The following TRIM16 variants were observed in gnomAD, a reference collection of about 807,000 sequenced individuals.
The protein encoded by TRIM16 is tripartite motif-containing protein 16.
Under a neutral mutation model 50.4 loss-of-function variants are expected in TRIM16, and 33 were observed. The observed-to-expected ratio is 0.65, with a 90% CI of 0.50 to 0.88. The LOEUF is 0.88. TRIM16 is among the 40% of genes least tolerant of loss of function. TRIM16 has a pLI of 0.00. For synonymous variants in TRIM16, 229 were observed against 270.7 expected, an observed-to-expected ratio of 0.85 and a Z score of 1.51; for missense variants, 581 against 686.8, an observed-to-expected ratio of 0.85 and a Z score of 1.72.
At chr17:15,645,335 T>C (rs1375699326) in intron 7 of TRIM16, among the ~76,000 whole-genome samples, 1 of 152,154 alleles carries the variant, frequency 6.6e-6, no homozygotes, top group Non-Finnish European at 1.5e-5. Flanking sequence ...CCTGCTACCA[T>C]GGCTGCTTTC....
chr17:15,658,880 AAAG>A (rs1353353291), intron 6 of TRIM16: 53 of 985,324 alleles, frequency 5.4e-5, no homozygotes, highest in South Asian at 9.4e-5. Flanking sequence ...CTTTCTCCTA[AAAG>A]AAGAAGATGG....
chr17:15,629,820 G>A (rs1381366541), intron 11 of TRIM16, among the ~76,000 whole-genome samples: 15 of 152,100 alleles, frequency 9.9e-5, no homozygotes, highest in African/African-American at 7.2e-5. Context: ...TAACTCCTAC[G>A]GATTCTACCA....
At chr17:15,681,707 T>C (rs1989191651) in intron 3 of TRIM16, among the ~76,000 whole-genome samples, 1 of 152,250 alleles carries the variant, frequency 6.6e-6, no homozygotes, top group Non-Finnish European at 1.5e-5. Flanking sequence ...TGAGCATTTC[T>C]TTGCGCTTAT....
chr17:15,665,795 T>G (rs1988473780), intron 6 of TRIM16, among the ~76,000 whole-genome samples: 1 of 151,986 alleles, frequency 6.6e-6, no homozygotes, highest in Admixed American at 6.5e-5. Flanking sequence ...GCTCACAAAC[T>G]GATGTCTCAG....
At chr17:15,674,005 T>G (rs1221053770) in intron 6 of TRIM16, among the ~76,000 whole-genome samples, 1 of 152,096 alleles carries the variant, frequency 6.6e-6, no homozygotes, top group Non-Finnish European at 1.5e-5. Flanking sequence ...AATTTCAGCC[T>G]TAAGGAAGGG....
chr17:15,652,276 T>C (rs1221180562), intron 6 of TRIM16, among the ~76,000 whole-genome samples: 11 of 147,478 alleles, frequency 7.5e-5, no homozygotes, highest in Non-Finnish European at 3.0e-5. Flanking sequence ...GCCTCCCGAG[T>C]AGCTGGGATT....
intron 6 of TRIM16, chr17:15,658,663 A>C (rs1285035378): frequency 1.3e-5 from 3 of 223,284 alleles, no homozygotes; most frequent in African/African-American, 7.0e-5. Flanking sequence ...AGGATTGGGA[A>C]TGTCCGGAAG....
intron 8 of TRIM16, among the ~76,000 whole-genome samples, chr17:15,640,925 G>A (rs553595804): frequency 1.3e-5 from 2 of 148,818 alleles, no homozygotes; most frequent in East Asian, 2.0e-4. Flanking sequence ...GAACCAGCAT[G>A]AGGGTGTTGT....
At chr17:15,657,818 C>G (rs756908195) in intron 6 of TRIM16, among the ~76,000 whole-genome samples, 1 of 152,130 alleles carries the variant, frequency 6.6e-6, no homozygotes, top group Non-Finnish European at 1.5e-5. Context: ...TTAAATGCCC[C>G]GTGGAAAAAA....
chr17:15,664,760 C>T (rs1012772141), intron 6 of TRIM16, among the ~76,000 whole-genome samples: 6 of 152,240 alleles, frequency 3.9e-5, no homozygotes, highest in East Asian at 3.9e-4. Context: ...ACAGGCCGGG[C>T]GCGGTGGCTC....
chr17:15,662,717 G>A (rs552964394), intron 6 of TRIM16, among the ~76,000 whole-genome samples: 52 of 152,252 alleles, frequency 3.4e-4, no homozygotes, highest in African/African-American at 1.3e-3. Flanking sequence ...GTGCTAAGCA[G>A]GGAATACATT....
intron 3 of TRIM16, 119 bp from the exon 4 acceptor site, chr17:15,681,072 G>A: frequency 3.4e-6 from 3 of 878,398 alleles, no homozygotes; most frequent in Non-Finnish European, 5.1e-6. Context: ...ATAGCTTGAA[G>A]GATTTTACAG....
intron 6 of TRIM16, among the ~76,000 whole-genome samples, chr17:15,667,845 T>C (rs9916576): frequency 0.023 from 3,497 of 152,250 alleles, 135 homozygotes; most frequent in African/African-American, 0.079. Flanking sequence ...TGAACTAATA[T>C]TGATACATTA....
chr17:15,653,462 C>A (rs1190859343), intron 6 of TRIM16, among the ~76,000 whole-genome samples: 3 of 152,212 alleles, frequency 2.0e-5, no homozygotes, highest in Non-Finnish European at 4.4e-5. Context: ...AACAGAAACT[C>A]ATTTCCTCAC....
At position 15,665,316 on chromosome 17, in the gene TRIM16, T is replaced by C. The variant is rs367662800; in HGVS notation, c.-338+11860A>G. Among the ~76,000 whole-genome samples the C allele has an allele frequency of 8.4e-3, 1,277 of 152,160 alleles. 13 individuals carry two copies. Among genetic ancestry groups the C allele is most frequent in the African/African-American group, 0.029 (1,214 of 41,510 alleles). The stretch of plus-strand genomic sequence containing the variant: ...TCACGAGGTCAGATCGAGACCATCC[T>C]GGCTAACCCAGTGAAACCCCATCTC... On this transcript the variant is annotated intron_variant, in intron 6 of 11. Transcript: ENST00000649191.
At chr17:15,670,691 C>A (rs1381420988) in intron 6 of TRIM16, among the ~76,000 whole-genome samples, 1 of 151,810 alleles carries the variant, frequency 6.6e-6, no homozygotes, top group African/African-American at 2.4e-5. Context: ...GCTTTCTATA[C>A]AATTGTAAGT....
chr17:15,653,551 C>T (rs1987830584), intron 6 of TRIM16, among the ~76,000 whole-genome samples: 1 of 152,164 alleles, frequency 6.6e-6, no homozygotes, highest in Admixed American at 6.5e-5. Flanking sequence ...GATGGCTTCT[C>T]CTATGTCTTC....
chr17:15,660,793 G>A (rs1988192301), intron 6 of TRIM16, among the ~76,000 whole-genome samples: 1 of 151,680 alleles, frequency 6.6e-6, no homozygotes, highest in Non-Finnish European at 1.5e-5. Flanking sequence ...AGCTACTTGG[G>A]AGGCTGAGGC....
intron 11 of TRIM16, among the ~76,000 whole-genome samples, chr17:15,629,745 T>C (rs1402105324): frequency 6.6e-6 from 1 of 152,208 alleles, no homozygotes; most frequent in African/African-American, 2.4e-5. Flanking sequence ...AAGCTCTATG[T>C]CATTTCTGAC....
Sources: gnomAD v4.1 joint callset for allele counts (sites outside exome capture counted in the v4.1 genomes callset) on GRCh38, gnomAD v4.1.1 for gene constraint, MANE v1.5 for transcripts, NCBI Gene and HGNC (gene_info 2026-07-23, HGNC 2026-07-21) for gene names.